CCL23: variants seen among roughly 807,000 people sequenced by gnomAD.
CCL23 encodes C-C motif chemokine 23.
A neutral mutation model predicts 11.8 loss-of-function variants in CCL23; 10 were observed. The observed-to-expected ratio is 0.84, with a 90% confidence interval of 0.52 to 1.43. The LOEUF is 1.43. CCL23 is among the 40% of genes most tolerant of loss of function. The pLI, the probability that CCL23 is intolerant of heterozygous loss-of-function variation, is 0.00. For missense variants in CCL23, 181 were observed against 170.9 expected (o/e 1.06, Z -0.33); for synonymous variants, 60 against 61.0 (o/e 0.98, Z 0.07).
rs763383748 is a variant in CCL23 at position 36,013,782 on chromosome 17, G to A, written c.264C>T (p.Tyr88=). The A allele has an allele frequency of 7.4e-6, 12 of 1,614,208 alleles. No homozygotes were observed. Among genetic ancestry groups the A allele is most frequent in the Admixed American group, 1.7e-5 (1 of 60,034 alleles). ...RSIPCSLLES[Y]FETNSECSKP... is the part of the protein sequence containing the mutation. ...TGGAGCACTCGCTGTTCGTTTCAAA[G>A]TAACTCTCCAGGAGTGAACACGGGA... Residue 88 remains tyrosine, a synonymous_variant, in exon 3 of 4, where the codon TAC becomes TAT. Transcript: ENST00000615050.
rs933581414 is a variant in CCL23 at position 36,017,929 on chromosome 17, A to G, written c.-32T>C. 6.2e-7 allele frequency: 1 copy of G among 1,610,072 alleles called. No homozygotes were observed. The highest frequency in any genetic ancestry group is 8.5e-7 in the Non-Finnish European group (1 of 1,178,424). ...GGTGGGCAGGCAGGGCTGGCCGAGGACTCCTGGGCTCACTGCTTCCTGGCT... is the reference window on the plus strand; with the variant it reads ...GGTGGGCAGGCAGGGCTGGCCGAGGGCTCCTGGGCTCACTGCTTCCTGGCT... On this transcript the variant is annotated 5_prime_UTR_variant, in exon 1 of 4. Coordinates refer to ENST00000615050, the MANE Select transcript of CCL23 (RefSeq NM_005064.6).
chr17:36,013,311 A>G lies in CCL23; in HGVS notation c.303-3T>C, dbSNP rs112937005. 4.3e-5 allele frequency: 68 copies of G among 1,598,240 alleles called. No individual in the cohort carries two copies. In the African/African-American group the frequency reaches 7.4e-4, roughly 17 times the overall value. On this transcript the variant is annotated splice_region_variant and splice_polypyrimidine_tract_variant and intron_variant, in intron 3 of 3. Transcript: ENST00000615050. ...GTCGCCCCTTCTTGGTGAGGAAGCT[A>G]GGGAACAAGGGGGAGAAAAGTTACA...
At chr17:36,013,670 T>C in intron 3 of CCL23, 74 bp downstream of exon 3, 8 of 1,459,314 alleles carry the variant, frequency 5.5e-6, no homozygotes, top group Non-Finnish European at 7.6e-6. Context: ...TGGACACCAG[T>C]CTATCAGGTC....
At chr17:36,014,500 T>A in intron 1 of CCL23, 107 bp from the exon 2 acceptor site, 1 of 852,426 alleles carries the variant, frequency 1.2e-6, no homozygotes, top group Non-Finnish European at 2.0e-6. Flanking sequence ...GAAAGGTCCC[T>A]GAAGCTGGAC....
intron 1 of CCL23, among the ~76,000 whole-genome samples, chr17:36,015,773 A>C (rs1007460620): frequency 1.3e-5 from 2 of 152,192 alleles, no homozygotes; most frequent in African/African-American, 2.4e-5. Flanking sequence ...GCGGTGGCTC[A>C]CGCCTGTAAT....
intron 1 of CCL23, among the ~76,000 whole-genome samples, chr17:36,016,443 G>A (rs574936268): frequency 1.2e-3 from 190 of 152,214 alleles, no homozygotes; most frequent in African/African-American, 4.4e-3. Context: ...CTGTTTCTGT[G>A]TTAGTTTGCT....
intron 1 of CCL23, 85 bp from the exon 2 acceptor site, chr17:36,014,478 C>A (rs769030529): frequency 1.0e-5 from 11 of 1,054,918 alleles, no homozygotes; most frequent in Non-Finnish European, 1.5e-5. Flanking sequence ...TGCTCATCCT[C>A]CTCCTGAGGC....
At chr17:36,017,784 T>A (rs185517547) in intron 1 of CCL23, 38 bp downstream of exon 1, 2 of 1,594,464 alleles carry the variant, frequency 1.3e-6, no homozygotes, top group Non-Finnish European at 1.7e-6. Flanking sequence ...TGAGTTACCA[T>A]GAACCTGGTC....
chr17:36,015,865 C>T (rs1217200291), intron 1 of CCL23, among the ~76,000 whole-genome samples: 4 of 151,456 alleles, frequency 2.6e-5, no homozygotes, highest in Non-Finnish European at 4.4e-5. Flanking sequence ...GTTGAAATCC[C>T]GTCTCTACTA....
intron 3 of CCL23, 29 bp downstream of exon 3, chr17:36,013,715 A>G: frequency 6.2e-7 from 1 of 1,612,752 alleles, no homozygotes; most frequent in Non-Finnish European, 8.5e-7. Context: ...CTTCTCCCTC[A>G]ACACATGTTT....
rs780819762 is a variant in CCL23, at chr17:36,013,887, A to G, written c.159T>C (p.Gly53=). ...LLDMLWRRKI[G]PQMTLSHAAG... ...CAGCATGAGAAAGGGTCATCTGAGG[A>G]CCAATCTTTCTCCTCCAGAGCACTG... Residue 53 remains glycine, a synonymous_variant, in exon 3 of 4, where the codon GGT becomes GGC. Transcript: ENST00000615050. 1.2e-6 allele frequency: 2 copies of G among 1,614,202 alleles called. No individual in the cohort carries two copies. The highest frequency in any genetic ancestry group is 2.2e-5 in the South Asian group (2 of 91,086).
intron 1 of CCL23, among the ~76,000 whole-genome samples, chr17:36,015,979 G>T (rs1490645166): frequency 6.6e-6 from 1 of 151,936 alleles, no homozygotes; most frequent in African/African-American, 2.4e-5. Flanking sequence ...AGGAGGTAGA[G>T]GTTGCAGTGA....
At chr17:36,017,509 A>G (rs1386717274) in intron 1 of CCL23, among the ~76,000 whole-genome samples, 2 of 152,208 alleles carry the variant, frequency 1.3e-5, no homozygotes, top group African/African-American at 4.8e-5. Flanking sequence ...TCTTTCTACA[A>G]ATTTGTAATT....
At position 36,013,794 on chromosome 17, in the gene CCL23, G is replaced by A. The variant is rs11657605; in HGVS notation, c.252C>T (p.Leu84=). Residue 84 remains leucine, a synonymous_variant, in exon 3 of 4, where the codon CTC becomes CTT. Transcript: ENST00000615050. Reference sequence around the variant, plus strand: ...TGTTCGTTTCAAAGTAACTCTCCAGGAGTGAACACGGGATGCTTCGTGGGG... The same window carrying A: ...TGTTCGTTTCAAAGTAACTCTCCAGAAGTGAACACGGGATGCTTCGTGGGG... ...SYTPRSIPCS[L]LESYFETNSE... 64,638 of 1,614,138 alleles carry A rather than the reference G, an allele frequency of 0.04. 1,472 individuals are homozygous for A. Among genetic ancestry groups the A allele is most frequent in the Non-Finnish European group, 0.048 (56,976 of 1,179,970 alleles).
chr17:36,015,675 T>C (rs986750072), intron 1 of CCL23, among the ~76,000 whole-genome samples: 1 of 152,236 alleles, frequency 6.6e-6, no homozygotes, highest in African/African-American at 2.4e-5. Flanking sequence ...ACATTTTTCC[T>C]TTCTTTTAAA....
rs754238781 is a variant in CCL23 at position 36,013,157 on chromosome 17, G to A, written c.*40C>T. 1.6e-6 allele frequency: 2 copies of A among 1,226,298 alleles called. No homozygotes were observed. Among genetic ancestry groups the A allele is most frequent in the East Asian group, 2.3e-5 (1 of 43,196 alleles). 76.0% of individuals were successfully genotyped at this position (1,226,298 alleles called of 1,614,324 possible). Reference sequence around the variant, plus strand: ...TCAGGAAGGTAGTTGAGGCAAGAAAGTTGGTGGCTGGCAACTTGTGTCCCT... The same window carrying A: ...TCAGGAAGGTAGTTGAGGCAAGAAAATTGGTGGCTGGCAACTTGTGTCCCT... On this transcript the variant is annotated 3_prime_UTR_variant, in exon 4 of 4. Transcript: ENST00000615050.
intron 1 of CCL23, among the ~76,000 whole-genome samples, chr17:36,015,759 G>A (rs994712952): frequency 2.0e-5 from 3 of 152,096 alleles, no homozygotes; most frequent in Admixed American, 6.5e-5. Flanking sequence ...AAATTTGGCC[G>A]GGTGCGGTGG....
Position 36,013,081 on chromosome 17 carries a change from G to A in CCL23, c.*116C>T. ...AAAAGTGAGAAACTGTTTATTAGAT[G>A]AATTGCTCTAAATCCAGAACACAAG... On this transcript the variant is annotated 3_prime_UTR_variant, in exon 4 of 4. Transcript: ENST00000615050. 1.5e-6 allele frequency: 1 copy of A among 673,514 alleles called. No homozygotes were observed. The highest frequency in any genetic ancestry group is 2.7e-5 in the East Asian group (1 of 37,488). The allele number at this position is 673,514 out of a possible 1,614,324, so 41.7% of individuals were successfully genotyped here.
chr17:36,015,088 T>C (rs2090088328), intron 1 of CCL23, among the ~76,000 whole-genome samples: 1 of 152,202 alleles, frequency 6.6e-6, no homozygotes. Context: ...ACTGAAACTC[T>C]GTATTCATTA....
Sources: allele counts gnomAD v4.1 joint callset (sites outside exome capture counted in the v4.1 genomes callset), GRCh38; gene constraint gnomAD v4.1.1; transcripts MANE v1.5; gene names NCBI Gene and HGNC (gene_info 2026-07-23, HGNC 2026-07-21).